Variants in PACS1 observed in about 807,000 individuals in gnomAD.
PACS1 encodes the protein phosphofurin acidic cluster sorting protein 1.
A neutral mutation model predicts 115.0 loss-of-function variants in PACS1; 24 were observed. The observed-to-expected ratio is 0.21, with a 90% confidence interval of 0.15 to 0.29. The LOEUF is 0.29. Among genes scored for constraint, PACS1 ranks in the 10% least tolerant of loss-of-function variants. The pLI is 1.00. For missense variants in PACS1, 838 were observed against 1,251.2 expected (o/e 0.67, Z 4.98); for synonymous variants, 453 against 504.5 (o/e 0.90, Z 1.37).
intron 1 of PACS1, among the ~76,000 whole-genome samples, chr11:66,166,366 C>T (rs1176575379): frequency 6.6e-6 from 1 of 152,132 alleles, no homozygotes; most frequent in African/African-American, 2.4e-5. Flanking sequence ...CAGGCTCTCT[C>T]GAACTCCTGA....
intron 1 of PACS1, among the ~76,000 whole-genome samples, chr11:66,134,468 C>T (rs540752250): frequency 4.0e-5 from 6 of 151,694 alleles, no homozygotes; most frequent in Non-Finnish European, 8.8e-5. Flanking sequence ...CTGGCCCTCC[C>T]TACTTCTAGG....
intron 1 of PACS1, among the ~76,000 whole-genome samples, chr11:66,146,146 CA>C (rs894857830): frequency 7.3e-5 from 11 of 150,254 alleles, no homozygotes; most frequent in African/African-American, 2.2e-4. Flanking sequence ...ACTAATGGGA[CA>C]AAAAAAACAG....
chr11:66,148,892 C>T (rs1859179148), intron 1 of PACS1, among the ~76,000 whole-genome samples: 1 of 152,114 alleles, frequency 6.6e-6, no homozygotes, highest in South Asian at 2.1e-4. Context: ...CACCACTGCA[C>T]TTCAGCCCAG....
chr11:66,070,964 G>C lies in PACS1; in HGVS notation c.356+122G>C. On this transcript the variant is annotated intron_variant, in intron 1 of 23. Coordinates refer to ENST00000320580, the MANE Select transcript of PACS1 (RefSeq NM_018026.4). This position sits in a 1 kb window ranked among gnomAD's most constrained non-coding sequence, Gnocchi z 5.9. ...ATCTCCCCGACTGTCCCGCGGCCCG[G>C]CCTGGCTCCAGCCAGGCCTCCCGGG... The C allele has an allele frequency of 9.4e-7, 1 of 1,066,336 alleles. No individual in the cohort carries two copies. The highest frequency in any genetic ancestry group is 1.2e-6 in the Non-Finnish European group (1 of 808,936). The allele number at this position is 1,066,336 out of a possible 1,614,324, so 66.1% of individuals were successfully genotyped here.
chr11:66,234,716 A>G (rs1175171431), intron 17 of PACS1, among the ~76,000 whole-genome samples: 1 of 152,066 alleles, frequency 6.6e-6, no homozygotes, highest in African/African-American at 2.4e-5. Context: ...TGTCTCTACA[A>G]AAATACAAAA....
chr11:66,204,478 T>C (rs1186598346), intron 2 of PACS1, among the ~76,000 whole-genome samples: 1 of 152,146 alleles, frequency 6.6e-6, no homozygotes, highest in Non-Finnish European at 1.5e-5. Flanking sequence ...TGGAAAATAG[T>C]ATGGAGTTTC....
Position 66,241,490 on chromosome 11 carries a change from C to T in PACS1, c.2493C>T (p.Pro831=), listed in dbSNP as rs756717910. 13 of 1,612,968 alleles carry T rather than the reference C, an allele frequency of 8.1e-6. No homozygotes were observed. The highest frequency in any genetic ancestry group is 5.5e-5 in the South Asian group (5 of 90,844). The part of the protein sequence containing the change: ...GLQVDYWLGH[P]GERRREGDKR... ...AGGTGGACTACTGGCTGGGCCACCC[C>T]GGGGAGCGGAGGAGGGAAGGCGACA... Residue 831 remains proline, a synonymous_variant, in exon 22 of 24, where the codon CCC becomes CCT. Coordinates refer to ENST00000320580, the MANE Select transcript of PACS1 (RefSeq NM_018026.4).
At chr11:66,109,526 T>C (rs1173955864) in intron 1 of PACS1, among the ~76,000 whole-genome samples, 1 of 152,222 alleles carries the variant, frequency 6.6e-6, no homozygotes, top group Admixed American at 6.5e-5. Context: ...CCCATCTTTA[T>C]AGTAACAAGA....
At chr11:66,102,973 G>A (rs1309680861) in intron 1 of PACS1, among the ~76,000 whole-genome samples, 1 of 152,050 alleles carries the variant, frequency 6.6e-6, no homozygotes, top group Admixed American at 6.6e-5. Context: ...TGGGATTAAA[G>A]GCACGTGCCA....
In PACS1 at chr11:66,233,429, C is replaced by T. The variant is rs1339632188; in HGVS notation, c.1839-356C>T. The stretch of plus-strand genomic sequence containing the variant: ...GCTAGACACTCAGGAGTCAGTGCTT[C>T]CCCTACCCTCAGGGCCTTCTTAAAA... On this transcript the variant is annotated intron_variant, in intron 15 of 23. Coordinates refer to ENST00000320580, the MANE Select transcript of PACS1 (RefSeq NM_018026.4). The surrounding 1 kb of genome is among the most constrained non-coding windows in gnomAD (Gnocchi z 4.5). 2.6e-5 allele frequency among the ~76,000 whole-genome samples: 4 copies of T among 152,226 alleles called. No individual in the cohort carries two copies. The highest frequency in any genetic ancestry group is 5.9e-5 in the Non-Finnish European group (4 of 68,034).
At chr11:66,134,268 T>TTTC (rs1858784711) in intron 1 of PACS1, among the ~76,000 whole-genome samples, 1 of 123,138 alleles carries the variant, frequency 8.1e-6, no homozygotes, top group Non-Finnish European at 1.7e-5. Flanking sequence ...TTTTTTTTTT[T>TTTC]TTTTTTTTTT....
rs1274640624 is a variant in PACS1 at position 66,243,782 on chromosome 11, G to A, written c.*502G>A. The A allele has an allele frequency of 6.4e-6, 1 of 157,454 alleles. No individual in the cohort carries two copies. The highest frequency in any genetic ancestry group is 1.4e-5 in the Non-Finnish European group (1 of 71,234). The allele number at this position is 157,454 out of a possible 1,614,324, so 9.8% of individuals were successfully genotyped here. ...ACCCAAGGCCACTTTCAACTCTTAT[G>A]GGGTTCTCCACCTGCCCCAGAGCTT... On this transcript the variant is annotated 3_prime_UTR_variant, in exon 24 of 24. Transcript: ENST00000320580.
At chr11:66,101,736 C>T (rs1438202654) in intron 1 of PACS1, among the ~76,000 whole-genome samples, 2 of 152,026 alleles carry the variant, frequency 1.3e-5, no homozygotes, top group African/African-American at 2.4e-5. Flanking sequence ...AAATTACCTA[C>T]CAGGCAGTTG....
At chr11:66,112,155 A>G (rs1296967813) in intron 1 of PACS1, among the ~76,000 whole-genome samples, 1 of 152,146 alleles carries the variant, frequency 6.6e-6, no homozygotes, top group Non-Finnish European at 1.5e-5. Context: ...TTTGAAATGC[A>G]GATCTGATTG....
At position 66,239,173 on chromosome 11, in the gene PACS1, T is replaced by C. The variant is rs778656437; in HGVS notation, c.2325T>C (p.Leu775=). The change falls in exon 21 of 24, where the codon CTT becomes CTC. Residue 775 remains leucine, a synonymous_variant. Transcript: ENST00000320580. ...GDGDDSPVVS[L]TVPSTSPPSS... ...GGGACGATTCTCCTGTGGTCAGCCT[T>C]ACTGTGCCCTCCACATCACCACCCT... 2 of 1,614,110 alleles carry C rather than the reference T, an allele frequency of 1.2e-6. No individual in the cohort carries two copies. The highest frequency in any genetic ancestry group is 2.2e-5 in the East Asian group (1 of 44,872).
At chr11:66,175,749 T>C (rs555734618) in intron 1 of PACS1, among the ~76,000 whole-genome samples, 1 of 152,150 alleles carries the variant, frequency 6.6e-6, no homozygotes, top group African/African-American at 2.4e-5. Flanking sequence ...ACAAACCATG[T>C]TGGGGAGGGG....
At chr11:66,082,599 C>T (rs1413156415) in intron 1 of PACS1, among the ~76,000 whole-genome samples, 9 of 152,092 alleles carry the variant, frequency 5.9e-5, no homozygotes, top group African/African-American at 9.7e-5. Flanking sequence ...CTGTGGCTCA[C>T]GCCTGTAATC....
intron 1 of PACS1, among the ~76,000 whole-genome samples, chr11:66,169,406 T>C (rs1044548796): frequency 5.5e-5 from 5 of 90,218 alleles, no homozygotes; most frequent in African/African-American, 2.3e-4. Flanking sequence ...GGTTCATTAC[T>C]TTTTTTTTTT....
intron 1 of PACS1, among the ~76,000 whole-genome samples, chr11:66,184,843 G>T (rs1295884452): frequency 2.0e-5 from 3 of 152,178 alleles, no homozygotes; most frequent in Non-Finnish European, 4.4e-5. Flanking sequence ...GCTAAGTACA[G>T]AGAATATGTA....
Sources: allele counts gnomAD v4.1 joint callset (sites outside exome capture counted in the v4.1 genomes callset), GRCh38; gene constraint gnomAD v4.1.1; non-coding constraint Gnocchi (gnomAD v3.1); transcripts MANE v1.5; gene names NCBI Gene and HGNC (gene_info 2026-07-23, HGNC 2026-07-21).